MEIKIN: variants seen among roughly 807,000 people sequenced by gnomAD.
The protein encoded by MEIKIN is meiotic kinetochore factor.
intron 9 of MEIKIN, among the ~76,000 whole-genome samples, chr5:131,866,712 G>C (rs1476128331): frequency 6.6e-6 from 1 of 152,190 alleles, no homozygotes; most frequent in Non-Finnish European, 1.5e-5. Flanking sequence ...AGGTGAGAGA[G>C]CAAGGGAGAA....
At chr5:131,879,317 T>C (rs1561742262) in intron 8 of MEIKIN, among the ~76,000 whole-genome samples, 1 of 152,188 alleles carries the variant, frequency 6.6e-6, no homozygotes, top group Non-Finnish European at 1.5e-5. Flanking sequence ...GAAAGTCGCA[T>C]GTGATTATAC....
At chr5:131,819,588 T>C (rs1749447754) in intron 11 of MEIKIN, among the ~76,000 whole-genome samples, 3 of 140,238 alleles carry the variant, frequency 2.1e-5, no homozygotes, top group African/African-American at 2.5e-5. Context: ...AAAGTCTATA[T>C]AGAAACTTCC....
intron 8 of MEIKIN, among the ~76,000 whole-genome samples, chr5:131,906,814 T>A (rs1481171619): frequency 6.6e-6 from 1 of 151,808 alleles, no homozygotes; most frequent in African/African-American, 2.4e-5. Flanking sequence ...GACCTAAACA[T>A]TGGGTATATA....
chr5:131,899,402 C>T (rs1169693362), intron 8 of MEIKIN, among the ~76,000 whole-genome samples: 1 of 151,584 alleles, frequency 6.6e-6, no homozygotes, highest in Non-Finnish European at 1.5e-5. Flanking sequence ...TTAATAGGAA[C>T]ACAAAAAGGA....
intron 5 of MEIKIN, among the ~76,000 whole-genome samples, chr5:131,930,273 A>G (rs1280237400): frequency 6.6e-6 from 1 of 152,190 alleles, no homozygotes; most frequent in Admixed American, 6.5e-5. Flanking sequence ...CATTTCTCTA[A>G]TGAGAAGAAG....
intron 7 of MEIKIN, among the ~76,000 whole-genome samples, chr5:131,914,861 T>C (rs1751392891): frequency 1.3e-5 from 2 of 151,912 alleles, no homozygotes; most frequent in South Asian, 2.1e-4. Flanking sequence ...AATATGCAGA[T>C]AGGGGTAATA....
At chr5:131,892,410 G>T (rs567862384) in intron 8 of MEIKIN, among the ~76,000 whole-genome samples, 2 of 151,990 alleles carry the variant, frequency 1.3e-5, no homozygotes, top group African/African-American at 4.8e-5. Context: ...GGCTTTGTTC[G>T]TTTCTTTTTA....
intron 5 of MEIKIN, among the ~76,000 whole-genome samples, chr5:131,928,305 A>C (rs553417154): frequency 6.6e-6 from 1 of 152,222 alleles, no homozygotes; most frequent in South Asian, 2.1e-4. Flanking sequence ...CATTTCACTA[A>C]TTGTTTCTGT....
chr5:131,892,548 C>A (rs901898178), intron 8 of MEIKIN, among the ~76,000 whole-genome samples: 2 of 152,110 alleles, frequency 1.3e-5, no homozygotes, highest in African/African-American at 4.8e-5. Flanking sequence ...GTTCTTGTGC[C>A]GTGGTTTTCA....
chr5:131,854,035 G>C (rs1483508603), intron 10 of MEIKIN, among the ~76,000 whole-genome samples: 1 of 152,150 alleles, frequency 6.6e-6, no homozygotes, highest in African/African-American at 2.4e-5. Flanking sequence ...ACATATATTT[G>C]TACACCCATG....
chr5:131,913,174 A>G (rs2149644249), intron 7 of MEIKIN, among the ~76,000 whole-genome samples: 1 of 152,172 alleles, frequency 6.6e-6, no homozygotes, highest in Middle Eastern at 3.4e-3. Flanking sequence ...GCTTTTTATC[A>G]TCTCCTCAGC....
intron 7 of MEIKIN, among the ~76,000 whole-genome samples, chr5:131,916,038 T>C (rs181630515): frequency 5.0e-4 from 76 of 152,308 alleles, no homozygotes; most frequent in African/African-American, 1.8e-3. Flanking sequence ...AAGTCAAAGT[T>C]GTAGGGGTTT....
chr5:131,820,674 C>T (rs1749482793), intron 11 of MEIKIN, among the ~76,000 whole-genome samples: 1 of 152,120 alleles, frequency 6.6e-6, no homozygotes, highest in Non-Finnish European at 1.5e-5. Context: ...TACTGGGAGA[C>T]TATTATGGCT....
intron 9 of MEIKIN, among the ~76,000 whole-genome samples, chr5:131,871,786 C>A (rs1191537477): frequency 7.2e-5 from 11 of 152,140 alleles, no homozygotes; most frequent in Admixed American, 4.6e-4. Flanking sequence ...GCCGGGTACT[C>A]CTCTGAGACA....
At chr5:131,851,955 T>C (rs1750121585) in intron 10 of MEIKIN, among the ~76,000 whole-genome samples, 1 of 152,218 alleles carries the variant, frequency 6.6e-6, no homozygotes, top group African/African-American at 2.4e-5. Flanking sequence ...TGACTGTATA[T>C]AGTTAAGACA....
intron 9 of MEIKIN, among the ~76,000 whole-genome samples, chr5:131,860,347 A>T (rs1438309131): frequency 9.2e-5 from 13 of 141,984 alleles, no homozygotes; most frequent in Non-Finnish European, 1.2e-4. Flanking sequence ...TGCCTTCTTG[A>T]TTTTTTTTCA....
At chr5:131,940,689 G>A (rs1580917649) in intron 4 of MEIKIN, among the ~76,000 whole-genome samples, 1 of 152,088 alleles carries the variant, frequency 6.6e-6, no homozygotes, top group East Asian at 1.9e-4. Flanking sequence ...AGACATTCTG[G>A]GAACCTGTAT....
intron 4 of MEIKIN, among the ~76,000 whole-genome samples, chr5:131,934,873 T>A (rs772188380): frequency 2.0e-5 from 3 of 151,486 alleles, no homozygotes; most frequent in African/African-American, 7.3e-5. Context: ...CTGGCCAACA[T>A]GGTGAAACCC....
At chr5:131,824,565 AAAG>A (rs924881032) in intron 11 of MEIKIN, among the ~76,000 whole-genome samples, 14 of 152,190 alleles carry the variant, frequency 9.2e-5, no homozygotes, top group African/African-American at 1.9e-4. Context: ...CCAGGAATGG[AAAG>A]AAGATTTGAA....
Sources: allele counts gnomAD v4.1 joint callset (sites outside exome capture counted in the v4.1 genomes callset), GRCh38; gene constraint gnomAD v4.1.1; transcripts MANE v1.5; gene names NCBI Gene and HGNC (gene_info 2026-07-23, HGNC 2026-07-21).